The following ARNT variants were observed in gnomAD, a reference collection of about 807,000 sequenced individuals.
ARNT encodes aryl hydrocarbon receptor nuclear translocator.
ARNT carries 30 observed loss-of-function variants against 105.0 expected under a neutral mutation model. The observed-to-expected ratio is 0.29, with a 90% CI of 0.21 to 0.39. The LOEUF (loss-of-function observed/expected upper bound fraction) is 0.39, where lower values mean the gene tolerates loss of function less well. Among genes scored for constraint, ARNT ranks in the 10% least tolerant of loss-of-function variants. The pLI is 1.00. For missense variants in ARNT, 748 were observed against 978.7 expected (o/e 0.76, Z 3.15); for synonymous variants, 304 against 344.0 (o/e 0.88, Z 1.29).
chr1:150,853,035 C>T (rs10305673), intron 2 of ARNT: 194,541 of 517,792 alleles, frequency 0.38, 37,576 homozygotes, highest in South Asian at 0.52. Flanking sequence ...AATCCCAGCA[C>T]TTTGGAAGGC....
chr1:150,858,638 C>T (rs1665055383), intron 1 of ARNT, among the ~76,000 whole-genome samples, 178 bp from the exon 2 acceptor site: 1 of 139,678 alleles, frequency 7.2e-6, no homozygotes, highest in African/African-American at 2.6e-5. Flanking sequence ...TTTTTTGAGA[C>T]CAGGTCTCAC....
chr1:150,871,413 G>A (rs747258767), intron 1 of ARNT, among the ~76,000 whole-genome samples: 18 of 144,796 alleles, frequency 1.2e-4, no homozygotes, highest in Admixed American at 1.1e-3. Context: ...CGATTCTCCC[G>A]CCTCAGCCTC....
At chr1:150,816,662 G>T in intron 18 of ARNT, 126 bp downstream of exon 18, 2 of 1,156,414 alleles carry the variant, frequency 1.7e-6, no homozygotes, top group Non-Finnish European at 2.4e-6. Flanking sequence ...TTTGCCTCAC[G>T]CTAGGCCCTA....
At chr1:150,839,908 C>T (rs1660976222) in intron 5 of ARNT, among the ~76,000 whole-genome samples, 1 of 152,088 alleles carries the variant, frequency 6.6e-6, no homozygotes, top group African/African-American at 2.4e-5. Context: ...AACTTCACAT[C>T]CTTTGTAAAT....
At chr1:150,853,073 G>A (rs1056251373) in intron 2 of ARNT, 1 of 422,562 alleles carries the variant, frequency 2.4e-6, no homozygotes, top group African/African-American at 2.0e-5. Flanking sequence ...CTGAGGTCAG[G>A]AGTTCGAGAT....
Position 150,823,099 on chromosome 1 carries a change from CTTGA to C in ARNT, c.1394+91_1394+94del, listed in dbSNP as rs1279255915. The C allele has an allele frequency of 4.7e-6, 6 of 1,268,236 alleles. No homozygotes were observed. In the South Asian group the frequency reaches 9.1e-5, roughly 19 times the overall value. The allele number at this position is 1,268,236 out of a possible 1,614,324, so 78.6% of individuals were successfully genotyped here. The stretch of plus-strand genomic sequence containing the variant: ...GCCCGGCTAAATTTTTGTGTTGTTG[CTTGA>C]TTGTTTACCCCCCACATAGGGCATC... On this transcript the variant is annotated intron_variant, in intron 14 of 21. Coordinates refer to ENST00000358595, the MANE Select transcript of ARNT (RefSeq NM_001668.4).
chr1:150,818,636 A>G (rs1298897112), intron 14 of ARNT, among the ~76,000 whole-genome samples: 3 of 152,052 alleles, frequency 2.0e-5, no homozygotes, highest in Non-Finnish European at 4.4e-5. Context: ...CTGTAGTCCC[A>G]GATACTCAGG....
At chr1:150,829,374 A>G in intron 11 of ARNT, 147 bp from the exon 12 acceptor site, 1 of 838,836 alleles carries the variant, frequency 1.2e-6, no homozygotes, top group South Asian at 1.8e-5. Flanking sequence ...AGGAAAAAAA[A>G]ATGACAATCA....
chr1:150,855,784 C>T (rs897440582), intron 2 of ARNT, among the ~76,000 whole-genome samples: 20 of 150,986 alleles, frequency 1.3e-4, no homozygotes, highest in African/African-American at 4.6e-4. Flanking sequence ...TGCCTGTGGT[C>T]CCAGCTACTC....
intron 1 of ARNT, among the ~76,000 whole-genome samples, chr1:150,874,511 T>C (rs1345544994): frequency 6.6e-6 from 1 of 152,106 alleles, no homozygotes; most frequent in African/African-American, 2.4e-5. Flanking sequence ...TAGCAAGGCA[T>C]CTGTCTCTAC....
intron 6 of ARNT, 101 bp from the exon 7 acceptor site, chr1:150,836,594 C>T (rs1660370819): frequency 8.5e-7 from 1 of 1,172,004 alleles, no homozygotes; most frequent in South Asian, 1.5e-5. Context: ...ATGCATCTCT[C>T]CGTAAGCAAC....
chr1:150,811,995 C>T lies in ARNT; in HGVS notation c.*26G>A. On this transcript the variant is annotated 3_prime_UTR_variant, in exon 22 of 22. Transcript: ENST00000358595. ...AAACAAACAGTGATTTTTTCTCCCC[C>T]ACCCCTTATCCTCACCCCAATAGTT... 2 of 1,431,634 alleles carry T rather than the reference C, an allele frequency of 1.4e-6. No homozygotes were observed. The highest frequency in any genetic ancestry group is 1.9e-6 in the Non-Finnish European group (2 of 1,077,222). 88.7% of individuals were successfully genotyped at this position (1,431,634 alleles called of 1,614,324 possible). A position where few individuals can be genotyped will look rare whatever the true frequency, so the allele number is the denominator to read the frequency against.
At position 150,811,074 on chromosome 1, in the gene ARNT, T is replaced by C. The variant is rs1262354671; in HGVS notation, c.*947A>G. ...CTGACAGAAAAATGCAGCATTATCTTTATGGCCAAGTCTCGGGTTCCAGAA... is the reference window on the plus strand; with the variant it reads ...CTGACAGAAAAATGCAGCATTATCTCTATGGCCAAGTCTCGGGTTCCAGAA... On this transcript the variant is annotated 3_prime_UTR_variant, in exon 22 of 22. Transcript: ENST00000358595. 1 of 232,284 alleles carries C rather than the reference T, an allele frequency of 4.3e-6. No individual in the cohort carries two copies. Among genetic ancestry groups the C allele is most frequent in the Non-Finnish European group, 8.5e-6 (1 of 117,186 alleles). The allele number at this position is 232,284 out of a possible 1,614,324, so 14.4% of individuals were successfully genotyped here.
At chr1:150,851,074 A>T (rs1225181080) in intron 3 of ARNT, among the ~76,000 whole-genome samples, 1 of 144,276 alleles carries the variant, frequency 6.9e-6, no homozygotes, top group Admixed American at 6.9e-5. Context: ...AGAAGTGAGG[A>T]GCCCCTCCGC....
intron 5 of ARNT, chr1:150,842,180 G>GAA: frequency 2.5e-6 from 2 of 801,844 alleles, no homozygotes; most frequent in Non-Finnish European, 3.0e-6. Context: ...AAGAGAAAAA[G>GAA]AAAAAAAAAC....
At chr1:150,861,722 T>G (rs949079761) in intron 1 of ARNT, among the ~76,000 whole-genome samples, 2 of 152,192 alleles carry the variant, frequency 1.3e-5, no homozygotes, top group South Asian at 2.1e-4. Context: ...CAGCCAGGGT[T>G]TCGGTAATTT....
At chr1:150,839,326 C>G in intron 6 of ARNT, 115 bp downstream of exon 6, 1 of 978,260 alleles carries the variant, frequency 1.0e-6, no homozygotes, top group Non-Finnish European at 1.5e-6. Flanking sequence ...GATTGAAATT[C>G]GTTTTCCCAT....
At chr1:150,826,840 T>A (rs143427149) in intron 12 of ARNT, among the ~76,000 whole-genome samples, 23 of 151,916 alleles carry the variant, frequency 1.5e-4, no homozygotes, top group Admixed American at 5.2e-4. Context: ...AGAGACAGGG[T>A]TTCACCATGT....
intron 2 of ARNT, among the ~76,000 whole-genome samples, chr1:150,857,121 A>G (rs1571442162): frequency 6.6e-6 from 1 of 152,184 alleles, no homozygotes; most frequent in East Asian, 1.9e-4. Flanking sequence ...GTTTTTTCCT[A>G]TGTACATGTT....
Sources: gnomAD v4.1 joint callset for allele counts (sites outside exome capture counted in the v4.1 genomes callset) on GRCh38, gnomAD v4.1.1 for gene constraint, MANE v1.5 for transcripts, NCBI Gene and HGNC (gene_info 2026-07-23, HGNC 2026-07-21) for gene names.